Variants in DSG1 observed in about 807,000 individuals in gnomAD.
DSG1 encodes desmoglein 1, also known as desmoglein-1.
Under a neutral mutation model 97.5 loss-of-function variants are expected in DSG1, and 39 were observed. The observed-to-expected ratio is 0.40, with a 90% CI of 0.31 to 0.52. DSG1 has a LOEUF of 0.52. DSG1 is among the 20% of genes least tolerant of loss of function. The probability of loss-of-function intolerance (pLI) is 0.53; values close to 1 mark genes in which losing one functional copy is unlikely to be tolerated. For synonymous variants in DSG1, 475 were observed against 443.4 expected (o/e 1.07, Z -0.90); for missense variants, 1,311 against 1,295.4 (o/e 1.01, Z -0.18).
At chr18:31,343,371 T>C (rs1269335373) in intron 11 of DSG1, 79 bp from the exon 12 acceptor site, 1 of 1,585,182 alleles carries the variant, frequency 6.3e-7, no homozygotes, top group Admixed American at 1.7e-5. Flanking sequence ...AATTCAAATT[T>C]AACCATAAAA....
In DSG1 at chr18:31,327,100, G is replaced by T. The variant is rs1031920428; in HGVS notation, c.216+95G>T. On this transcript the variant is annotated intron_variant, in intron 3 of 14. Coordinates refer to ENST00000257192, the MANE Select transcript of DSG1 (RefSeq NM_001942.4). ...AAATATTTCATGAACATGTCTCACC[G>T]AGAAGCTACGATACAGAACAGAACT... The T allele has an allele frequency of 4.1e-6, 6 of 1,467,890 alleles. No homozygotes were observed. The Admixed American group carries it at 5.1e-5, about 12-fold the overall frequency. The allele number at this position is 1,467,890 out of a possible 1,614,324, so 90.9% of individuals were successfully genotyped here.
At chr18:31,345,946 T>G in intron 13 of DSG1, 44 bp from the exon 14 acceptor site, 1 of 1,536,198 alleles carries the variant, frequency 6.5e-7, no homozygotes, top group Non-Finnish European at 9.0e-7. Flanking sequence ...TTTTAGTTTA[T>G]GATAGACTAA....
In DSG1 at chr18:31,354,285, C is replaced by T. The variant is rs201853438; in HGVS notation, c.2101-12C>T. 6.2e-7 allele frequency: 1 copy of T among 1,610,544 alleles called. No homozygotes were observed. The highest frequency in any genetic ancestry group is 1.7e-5 in the Admixed American group (1 of 60,014). On this transcript the variant is annotated splice_polypyrimidine_tract_variant and intron_variant, in intron 14 of 14. Transcript: ENST00000257192. ...TTCATAATTTCATTTTCTCTTTCTC[C>T]TATAAATTCAGAAAGCATATGCTTA...
chr18:31,326,617 G>A lies in DSG1; in HGVS notation c.84+1G>A. 1 of 1,602,060 alleles carries A rather than the reference G, an allele frequency of 6.2e-7. No individual in the cohort carries two copies. Among genetic ancestry groups the A allele is most frequent in the South Asian group, 1.1e-5 (1 of 90,370 alleles). ...AGTTAACAGTGAATTCCGAATCCAGGTAATATATAACAAATCCATTTTTCC... is the reference window on the plus strand; with the variant it reads ...AGTTAACAGTGAATTCCGAATCCAGATAATATATAACAAATCCATTTTTCC... On this transcript the variant is annotated splice_donor_variant, in intron 2 of 14. Transcript: ENST00000257192. LOFTEE classifies it high-confidence loss of function.
intron 3 of DSG1, 112 bp downstream of exon 3, chr18:31,327,117 A>G (rs866228807): frequency 1.5e-6 from 2 of 1,369,274 alleles, no homozygotes; most frequent in Middle Eastern, 1.8e-4. Context: ...TACGATACAG[A>G]ACAGAACTAT....
In DSG1 at chr18:31,357,027, G is replaced by A. The variant is rs1364543508; in HGVS notation, c.*1681G>A. 1 of 151,918 alleles carries A rather than the reference G, an allele frequency of 6.6e-6. No homozygotes were observed. The highest frequency in any genetic ancestry group is 1.5e-5 in the Non-Finnish European group (1 of 67,948). 9.4% of individuals were successfully genotyped at this position (151,918 alleles called of 1,614,324 possible). On this transcript the variant is annotated 3_prime_UTR_variant, in exon 15 of 15. Transcript: ENST00000257192. ...ATAAAATTAGAAAAAAATTTGCCCTGGAGTTGTGAATTATATACAACTTTT... is the reference window on the plus strand; with the variant it reads ...ATAAAATTAGAAAAAAATTTGCCCTAGAGTTGTGAATTATATACAACTTTT...
At position 31,338,080 on chromosome 18, in the gene DSG1, GAC is replaced by G. The variant is rs1287526672; in HGVS notation, c.1266-233_1266-232del. Among the ~76,000 whole-genome samples, 4 of 152,138 alleles carry G rather than the reference GAC, an allele frequency of 2.6e-5. No individual in the cohort carries two copies. The East Asian group carries it at 7.7e-4, about 29-fold the overall frequency. ...TCTGACATCCAAGTGGGCATAAAAA[GAC>G]ATTCCATCAGAAATGGGTGCTCAGT... On this transcript the variant is annotated intron_variant, in intron 9 of 14. Coordinates refer to ENST00000257192, the MANE Select transcript of DSG1 (RefSeq NM_001942.4).
intron 1 of DSG1, among the ~76,000 whole-genome samples, chr18:31,325,858 A>G (rs1421962792): frequency 6.6e-6 from 1 of 152,158 alleles, no homozygotes; most frequent in Non-Finnish European, 1.5e-5. Flanking sequence ...TTAATATCCA[A>G]GACTCAATTT....
chr18:31,328,227 C>T lies in DSG1; in HGVS notation c.255C>T (p.Tyr85=), dbSNP rs1275845615. The T allele has an allele frequency of 2.5e-6, 4 of 1,613,584 alleles. No homozygotes were observed. Among genetic ancestry groups the T allele is most frequent in the Non-Finnish European group, 3.4e-6 (4 of 1,179,584 alleles). ...SDCAANQQVT[Y]RISGVGIDQP... ...GTGCTGCAAACCAGCAAGTTACATA[C>T]CGCATCTCTGGAGTAGGAATTGATC... is the stretch of plus-strand genomic sequence containing the variant. The change falls in exon 4 of 15, where the codon TAC becomes TAT. Residue 85 remains tyrosine, a synonymous_variant. Coordinates refer to ENST00000257192, the MANE Select transcript of DSG1 (RefSeq NM_001942.4).
intron 14 of DSG1, among the ~76,000 whole-genome samples, chr18:31,352,575 G>C (rs945428657): frequency 6.7e-6 from 1 of 149,936 alleles, no homozygotes; most frequent in Non-Finnish European, 1.5e-5. Context: ...TTTCCAACTT[G>C]GTTCCATTCT....
chr18:31,331,975 T>A, intron 6 of DSG1, 108 bp downstream of exon 6: 1 of 1,081,610 alleles, frequency 9.2e-7, no homozygotes. Flanking sequence ...AAATTTTTAC[T>A]TGTATAACTT....
In DSG1 at chr18:31,354,542, A is replaced by T; in HGVS notation, c.2346A>T (p.Pro782=). 6.2e-7 allele frequency: 1 copy of T among 1,614,216 alleles called. No individual in the cohort carries two copies. The highest frequency in any genetic ancestry group is 1.1e-5 in the South Asian group (1 of 91,082). The change falls in exon 15 of 15, where the codon CCA becomes CCT. Residue 782 remains proline, a synonymous_variant. Transcript: ENST00000257192. The part of the protein sequence containing the change: ...DPSWPPQSTE[P]VCLPQETEPV... The stretch of plus-strand genomic sequence containing the variant: ...CTTGGCCACCACAAAGCACTGAACC[A>T]GTTTGCCTTCCTCAGGAAACAGAGC...
At position 31,326,608 on chromosome 18, in the gene DSG1, C is replaced by T. The variant is rs397515639; in HGVS notation, c.76C>T (p.Arg26Ter). Residue 26 changes from arginine (R) to a stop codon, truncating the protein, a stop_gained, in exon 2 of 15, where the codon CGA becomes TGA. Transcript: ENST00000257192. LOFTEE classifies it high-confidence loss of function. ...GGTGGTAGAAGTTAACAGTGAATTC[C>T]GAATCCAGGTAATATATAACAAATC... ...LVVVEVNSEF[R>*]IQVRDYNTKN... The T allele has an allele frequency of 1.2e-6, 2 of 1,602,986 alleles. No homozygotes were observed. Among genetic ancestry groups the T allele is most frequent in the Non-Finnish European group, 1.7e-6 (2 of 1,170,944 alleles).
intron 5 of DSG1, among the ~76,000 whole-genome samples, chr18:31,330,286 T>G (rs2071712363): frequency 6.6e-6 from 1 of 152,068 alleles, no homozygotes; most frequent in African/African-American, 2.4e-5. Context: ...AACAAGAAAT[T>G]TTAAAGGCAT....
chr18:31,348,665 C>A lies in DSG1; in HGVS notation c.2100+2467C>A, dbSNP rs543305034. Among the ~76,000 whole-genome samples, 422 of 150,286 alleles carry A rather than the reference C, an allele frequency of 2.8e-3. 3 individuals are homozygous for A. Among genetic ancestry groups the A allele is most frequent in the African/African-American group, 0.01 (410 of 40,486 alleles). The stretch of plus-strand genomic sequence containing the variant: ...GACTTTTTAATGATTGCCATTCTAA[C>A]TGGTGTGAGATGGTATCTCATTGTG... On this transcript the variant is annotated intron_variant, in intron 14 of 14. Coordinates refer to ENST00000257192, the MANE Select transcript of DSG1 (RefSeq NM_001942.4).
Position 31,355,381 on chromosome 18 carries a change from G to A in DSG1, c.*35G>A. On this transcript the variant is annotated 3_prime_UTR_variant, in exon 15 of 15. Transcript: ENST00000257192. ...CAGCTCACTTTTTCATAGTCATTGT[G>A]GTTTAGATCCAATTCCCACCACTAA... 4 of 1,600,628 alleles carry A rather than the reference G, an allele frequency of 2.5e-6. No individual in the cohort carries two copies. The highest frequency in any genetic ancestry group is 3.4e-6 in the Non-Finnish European group (4 of 1,169,466).
At chr18:31,320,128 A>T (rs1392970865) in intron 1 of DSG1, among the ~76,000 whole-genome samples, 2 of 152,104 alleles carry the variant, frequency 1.3e-5, no homozygotes, top group Admixed American at 6.5e-5. Context: ...TTAAGTACAG[A>T]TTTTACCACA....
In DSG1 at chr18:31,355,018, C is replaced by T; in HGVS notation, c.2822C>T (p.Pro941Leu). The T allele has an allele frequency of 6.2e-7, 1 of 1,614,200 alleles. No individual in the cohort carries two copies. Among genetic ancestry groups the T allele is most frequent in the Non-Finnish European group, 8.5e-7 (1 of 1,180,032 alleles). Residue 941 changes from proline (P) to leucine (L), a missense_variant, in exon 15 of 15, where the codon CCC (proline) becomes CTC (leucine). Coordinates refer to ENST00000257192, the MANE Select transcript of DSG1 (RefSeq NM_001942.4). ...ATGATAGGTAGTCTGAGTATGCACC[C>T]CGAGTTAGCCAATGCCCACAATGTC... is the stretch of plus-strand genomic sequence containing the variant. ...SGMIGSLSMH[P>L]ELANAHNVIV...
At chr18:31,343,091 T>A (rs1315708389) in intron 11 of DSG1, among the ~76,000 whole-genome samples, 1 of 151,982 alleles carries the variant, frequency 6.6e-6, no homozygotes, top group Non-Finnish European at 1.5e-5. Flanking sequence ...TTGTATTTTT[T>A]GGTAGAGATA....
Sources: gnomAD v4.1 joint callset for allele counts (sites outside exome capture counted in the v4.1 genomes callset) on GRCh38, gnomAD v4.1.1 for gene constraint, MANE v1.5 for transcripts, NCBI Gene and HGNC (gene_info 2026-07-23, HGNC 2026-07-21) for gene names.